The following COG7 variants were observed in gnomAD, a reference collection of about 807,000 sequenced individuals.
The protein encoded by COG7 is conserved oligomeric Golgi complex subunit 7.
In COG7, 49 loss-of-function variants were observed where a neutral mutation model predicts 91.5. That is an observed-to-expected ratio of 0.54 (90% confidence interval 0.43 to 0.68). The LOEUF is 0.68. Ranked by LOEUF, COG7 falls within the 30% of genes least tolerant of loss-of-function variation. The probability of loss-of-function intolerance (pLI) is 0.00; values close to 1 mark genes in which losing one functional copy is unlikely to be tolerated. For missense variants in COG7, 895 were observed against 961.3 expected (o/e 0.93, Z 0.91); for synonymous variants, 365 against 388.7 (o/e 0.94, Z 0.72).
chr16:23,391,064 G>A (rs966597857), intron 16 of COG7, among the ~76,000 whole-genome samples: 3 of 152,204 alleles, frequency 2.0e-5, no homozygotes, highest in African/African-American at 7.2e-5. Context: ...TACCCTGTCA[G>A]TTTCATATAC....
At chr16:23,399,385 G>A (rs1445687029) in intron 13 of COG7, among the ~76,000 whole-genome samples, 1 of 152,138 alleles carries the variant, frequency 6.6e-6, no homozygotes, top group Admixed American at 6.5e-5. Context: ...CCAGCGAGAA[G>A]GAACACGCCA....
intron 4 of COG7, among the ~76,000 whole-genome samples, chr16:23,435,357 A>G (rs1466558508): frequency 6.6e-6 from 1 of 152,158 alleles, no homozygotes; most frequent in Non-Finnish European, 1.5e-5. Context: ...ACAGAGCAAG[A>G]CTCCCTCTAA....
intron 14 of COG7, among the ~76,000 whole-genome samples, chr16:23,394,671 G>C (rs1963256186): frequency 6.6e-6 from 1 of 152,112 alleles, no homozygotes; most frequent in Non-Finnish European, 1.5e-5. Context: ...GTAGTGTCCA[G>C]AAGTTAACAC....
At position 23,442,649 on chromosome 16, in the gene COG7, G is replaced by C. The variant is rs1964120151; in HGVS notation, c.436-4C>G. On this transcript the variant is annotated splice_region_variant and splice_polypyrimidine_tract_variant and intron_variant, in intron 3 of 16. Transcript: ENST00000307149. Reference sequence around the variant, plus strand: ...TGGCAGAAATCACAGCTATGTCCTAGAAAAGACCAGAATAGAGAATATTTA... The same window carrying C: ...TGGCAGAAATCACAGCTATGTCCTACAAAAGACCAGAATAGAGAATATTTA... 6.2e-7 allele frequency: 1 copy of C among 1,609,740 alleles called. No individual in the cohort carries two copies. Among genetic ancestry groups the C allele is most frequent in the Admixed American group, 1.7e-5 (1 of 59,976 alleles).
intron 10 of COG7, chr16:23,412,585 G>C (rs2142072036): frequency 6.6e-6 from 1 of 152,342 alleles, no homozygotes; most frequent in East Asian, 1.9e-4. Flanking sequence ...TCAGGGACTG[G>C]GGCAAAATAG....
intron 3 of COG7, among the ~76,000 whole-genome samples, chr16:23,444,718 C>A (rs947329990): frequency 1.3e-5 from 2 of 151,760 alleles, no homozygotes; most frequent in African/African-American, 4.8e-5. Flanking sequence ...TTTGCCCAGG[C>A]TGGTCTCAAA....
At chr16:23,416,761 C>T (rs1963661634) in intron 9 of COG7, 5 of 617,714 alleles carry the variant, frequency 8.1e-6, no homozygotes, top group Non-Finnish European at 1.1e-5. Flanking sequence ...CTTAAGTAAC[C>T]TTCCCTAATG....
At chr16:23,414,816 G>A (rs148570809) in intron 9 of COG7, 8 of 152,250 alleles carry the variant, frequency 5.3e-5, no homozygotes, top group African/African-American at 1.9e-4. Flanking sequence ...AACTAGCACA[G>A]AGCTGGACAT....
intron 7 of COG7, among the ~76,000 whole-genome samples, chr16:23,420,462 T>A (rs1006695300): frequency 4.6e-5 from 7 of 152,110 alleles, no homozygotes; most frequent in African/African-American, 1.7e-4. Context: ...TCATCCTCCT[T>A]CCCTCTTCCT....
chr16:23,405,670 C>T (rs1963449374), intron 12 of COG7, among the ~76,000 whole-genome samples: 1 of 152,064 alleles, frequency 6.6e-6, no homozygotes, highest in Non-Finnish European at 1.5e-5. Flanking sequence ...GTGCGTGCCA[C>T]CACACCTGGC....
chr16:23,425,935 C>T (rs1963838608), intron 6 of COG7, among the ~76,000 whole-genome samples: 1 of 152,064 alleles, frequency 6.6e-6, no homozygotes, highest in African/African-American at 2.4e-5. Context: ...GACTATGGGC[C>T]AGGTGTGGTG....
chr16:23,395,630 A>T (rs1286090130), intron 14 of COG7, among the ~76,000 whole-genome samples: 9 of 152,144 alleles, frequency 5.9e-5, no homozygotes, highest in Admixed American at 5.9e-4. Context: ...TTGGCCTTAG[A>T]CTGTAGGGAT....
rs781062207 is a variant in COG7 at position 23,433,667 on chromosome 16, C to T, written c.688G>A (p.Val230Met). 2 of 1,614,002 alleles carry T rather than the reference C, an allele frequency of 1.2e-6. No individual in the cohort carries two copies. The highest frequency in any genetic ancestry group is 4.5e-5 in the East Asian group (2 of 44,866). Reference sequence around the variant, plus strand: ...TCTTGCCAGGCTGCTAAAAGCTGCACCTGCAGAGACAGAACAAAGGGAACC... The same window carrying T: ...TCTTGCCAGGCTGCTAAAAGCTGCATCTGCAGAGACAGAACAAAGGGAACC... The part of the protein sequence containing the change: ...LLAYYYKCHK[V>M]QLLAAWQELC... The change falls in exon 6 of 17, where the codon GTG becomes ATG. Residue 230 changes from valine (V) to methionine (M), a missense_variant and splice_region_variant. Val to Met is a conservative substitution (Grantham distance 21). Transcript: ENST00000307149.
At chr16:23,440,108 G>T (rs960921062) in intron 4 of COG7, among the ~76,000 whole-genome samples, 1 of 149,952 alleles carries the variant, frequency 6.7e-6, no homozygotes, top group Non-Finnish European at 1.5e-5. Flanking sequence ...AAAAAAATAG[G>T]CTGGGCACGG....
At chr16:23,400,987 G>C (rs563634861) in intron 13 of COG7, among the ~76,000 whole-genome samples, 31 of 150,290 alleles carry the variant, frequency 2.1e-4, no homozygotes, top group South Asian at 8.7e-4. Context: ...AAAGGGGGGG[G>C]GGAAAACAGC....
chr16:23,403,336 G>A (rs1032533677), intron 13 of COG7, among the ~76,000 whole-genome samples: 1 of 152,192 alleles, frequency 6.6e-6, no homozygotes, highest in Admixed American at 6.5e-5. Flanking sequence ...GAAATGATTC[G>A]TGTGGTGTGA....
intron 7 of COG7, 42 bp downstream of exon 7, chr16:23,424,707 G>C: frequency 6.3e-7 from 1 of 1,593,650 alleles, no homozygotes; most frequent in African/African-American, 1.3e-5. Context: ...CAGAAAGAGC[G>C]AGTAAAGACA....
At chr16:23,434,059 G>A (rs1963975812) in intron 5 of COG7, among the ~76,000 whole-genome samples, 1 of 152,130 alleles carries the variant, frequency 6.6e-6, no homozygotes, top group African/African-American at 2.4e-5. Context: ...AGGAATTAAG[G>A]TCAGTTCAGG....
At chr16:23,438,652 T>C (rs931766708) in intron 4 of COG7, among the ~76,000 whole-genome samples, 1 of 151,720 alleles carries the variant, frequency 6.6e-6, no homozygotes, top group Admixed American at 6.6e-5. Context: ...GAAAATACAC[T>C]CAATATCATT....
Sources: gnomAD v4.1 joint callset for allele counts (sites outside exome capture counted in the v4.1 genomes callset) on GRCh38, gnomAD v4.1.1 for gene constraint, MANE v1.5 for transcripts, NCBI Gene and HGNC (gene_info 2026-07-23, HGNC 2026-07-21) for gene names.